The following AGO2 variants were observed in gnomAD, a reference collection of about 807,000 sequenced individuals.
The protein encoded by AGO2 is protein argonaute-2.
Under a neutral mutation model 102.3 loss-of-function variants are expected in AGO2, and 5 were observed. The observed-to-expected ratio is 0.05, with a 90% CI of 0.03 to 0.10. AGO2 has a LOEUF of 0.10. Ranked by LOEUF, AGO2 falls within the 10% of genes least tolerant of loss-of-function variation. The pLI is 1.00. For missense variants in AGO2, 541 were observed against 1,183.7 expected, an observed-to-expected ratio of 0.46 and a Z score of 7.97; for synonymous variants, 449 against 473.1, an observed-to-expected ratio of 0.95 and a Z score of 0.66.
chr8:140,554,192 C>T (rs2073054191), intron 10 of AGO2, among the ~76,000 whole-genome samples: 2 of 152,244 alleles, frequency 1.3e-5, no homozygotes, highest in South Asian at 4.1e-4. Context: ...TCCTCTTGCC[C>T]TCCCGGGGCG....
rs889877202 is a variant in AGO2 at position 140,557,402 on chromosome 8, C to G, written c.879-166G>C. ...GTGCTTTGGGTTATCTGGAATGTTT[C>G]TGAGCCCCTAAATTCTCATTTTGTT... is the stretch of plus-strand genomic sequence containing the variant. On this transcript the variant is annotated intron_variant, in intron 7 of 18. Transcript: ENST00000220592. The surrounding 1 kb of genome is among the most constrained non-coding windows in gnomAD (Gnocchi z 5.9). Among the ~76,000 whole-genome samples the G allele has an allele frequency of 1.3e-5, 2 of 152,192 alleles. No homozygotes were observed. The highest frequency in any genetic ancestry group is 2.1e-4 in the South Asian group (1 of 4,826).
intron 10 of AGO2, among the ~76,000 whole-genome samples, chr8:140,552,079 TGCCTTGCCATGCTACAG>T (rs1038723093): frequency 5.9e-5 from 9 of 152,142 alleles, no homozygotes; most frequent in South Asian, 2.1e-4. Context: ...GGAAGAGAAG[TGCCTTGCCATGCTACAG>T]GCCTTGCCAT....
At chr8:140,638,773 CTG>C (rs1281263275), upstream of AGO2, among the ~76,000 whole-genome samples, 1 of 152,146 alleles carries the variant, frequency 6.6e-6, no homozygotes, top group African/African-American at 2.4e-5. Flanking sequence ...ACAGGTCTCA[CTG>C]TGTTGCTCAG....
chr8:140,550,771 C>T (rs954127508), intron 11 of AGO2, among the ~76,000 whole-genome samples: 2 of 152,132 alleles, frequency 1.3e-5, no homozygotes, highest in South Asian at 2.1e-4. Context: ...TGCACCACCA[C>T]GCTTGGCTAA....
chr8:140,529,755 T>G lies in AGO2; in HGVS notation c.*2289A>C, dbSNP rs2944760. On this transcript the variant is annotated 3_prime_UTR_variant, in exon 19 of 19. Coordinates refer to ENST00000220592, the MANE Select transcript of AGO2 (RefSeq NM_012154.5). ...CGCTTAGACACAGATGCCCTGGCCA[T>G]CCCTGAAGTACCGCACGCAGGAGGT... 0.31 allele frequency: 47,270 copies of G among 151,672 alleles called. 9,296 individuals carry two copies. The highest frequency in any genetic ancestry group is 0.56 in the African/African-American group (22,909 of 41,196). 9.4% of individuals were successfully genotyped at this position (151,672 alleles called of 1,614,324 possible). A position where few individuals can be genotyped will look rare whatever the true frequency, so the allele number is the denominator to read the frequency against.
At position 140,520,229 on chromosome 8, in the gene AGO2, ATAACTT is replaced by A. The variant is rs1187757620; in HGVS notation, c.*11809_*11814del. 2 of 152,234 alleles carry A rather than the reference ATAACTT, an allele frequency of 1.3e-5. No individual in the cohort carries two copies. Among genetic ancestry groups the A allele is most frequent in the African/African-American group, 2.4e-5 (1 of 41,458 alleles). 9.4% of individuals were successfully genotyped at this position (152,234 alleles called of 1,614,324 possible). ...CAAAACAAAATTGACACCATACAAA[ATAACTT>A]TATAAAATATCATTCACATCATATT... On this transcript the variant is annotated 3_prime_UTR_variant, in exon 19 of 19. Transcript: ENST00000220592.
chr8:140,595,504 G>GC (rs1755604952), intron 1 of AGO2, among the ~76,000 whole-genome samples: 1 of 148,762 alleles, frequency 6.7e-6, no homozygotes, highest in South Asian at 2.1e-4. Context: ...TCACTCTGTT[G>GC]CCGAAGCTGA....
At position 140,560,401 on chromosome 8, in the gene AGO2, G is replaced by A; in HGVS notation, c.628C>T (p.Leu210Phe). The change falls in exon 5 of 19, where the codon CTC becomes TTC. Residue 210 changes from leucine (L) to phenylalanine (F), a missense_variant. Leu to Phe is a conservative substitution (Grantham distance 22, BLOSUM62 0). Coordinates refer to ENST00000220592, the MANE Select transcript of AGO2 (RefSeq NM_012154.5). ...TCAATATTCAGCATCATTTTCCAGA[G>A]AGAAGGCCGGACGGACTGATGGAAG... ...FGFHQSVRPS[L>F]WKMMLNIDVS... The A allele has an allele frequency of 6.2e-7, 1 of 1,614,218 alleles. No individual in the cohort carries two copies. The highest frequency in any genetic ancestry group is 1.1e-5 in the South Asian group (1 of 91,084).
intron 6 of AGO2, 33 bp from the exon 7 acceptor site, chr8:140,558,605 G>A (rs1406279771): frequency 6.2e-7 from 1 of 1,608,434 alleles, no homozygotes; most frequent in Admixed American, 1.7e-5. Context: ...TCGGCATCGG[G>A]GCTGTCCCGA....
At chr8:140,570,366 T>C (rs972477498) in intron 3 of AGO2, among the ~76,000 whole-genome samples, 1 of 151,912 alleles carries the variant, frequency 6.6e-6, no homozygotes, top group Non-Finnish European at 1.5e-5. Context: ...GCTGTGACTA[T>C]AGGCGTGTGC....
intron 1 of AGO2, among the ~76,000 whole-genome samples, chr8:140,605,478 C>T (rs1455129301): frequency 6.6e-6 from 1 of 152,248 alleles, no homozygotes; most frequent in Non-Finnish European, 1.5e-5. Context: ...CCAGCCTGGG[C>T]TGAACACAGA....
At chr8:140,562,242 G>C (rs946359404) in intron 4 of AGO2, among the ~76,000 whole-genome samples, 5 of 152,222 alleles carry the variant, frequency 3.3e-5, no homozygotes, top group African/African-American at 1.2e-4. Flanking sequence ...CAACGTTCCG[G>C]GCCAGGCCGA....
intron 3 of AGO2, among the ~76,000 whole-genome samples, chr8:140,570,077 C>A (rs545275295): frequency 7.2e-5 from 11 of 152,380 alleles, no homozygotes; most frequent in African/African-American, 2.6e-4. Flanking sequence ...GGCTCTCACA[C>A]AGAAGGTTAA....
Position 140,603,709 on chromosome 8 carries a change from G to T in AGO2, c.23-18398C>A, listed in dbSNP as rs143694471. On this transcript the variant is annotated intron_variant, in intron 1 of 18. Transcript: ENST00000220592. ...CTGCAGCTGTGTCTGAGCTCCACTG[G>T]GGCCGGATTTAACAGACTCCCTCAA... Among the ~76,000 whole-genome samples the T allele has an allele frequency of 3.3e-3, 503 of 152,308 alleles. 4 individuals are homozygous for T. The highest frequency in any genetic ancestry group is 0.012 in the African/African-American group (489 of 41,564).
chr8:140,560,928 C>T lies in AGO2; in HGVS notation c.519-418G>A, dbSNP rs538484830. Among the ~76,000 whole-genome samples, 7 of 152,356 alleles carry T rather than the reference C, an allele frequency of 4.6e-5. No homozygotes were observed. The South Asian group carries it at 1.4e-3, about 32-fold the overall frequency. On this transcript the variant is annotated intron_variant, in intron 4 of 18. Transcript: ENST00000220592. The stretch of plus-strand genomic sequence containing the variant: ...CTGCCAAGTGCCAGCCCCAGCCAGG[C>T]CCAGCCCCAGCCGTGGGGAGACGTG...
chr8:140,571,252 C>T (rs1283312888), intron 3 of AGO2, among the ~76,000 whole-genome samples: 3 of 152,196 alleles, frequency 2.0e-5, no homozygotes, highest in African/African-American at 4.8e-5. Context: ...AGTCACAGCA[C>T]GTTCTCCCTT....
rs1289998702 is a variant in AGO2, at chr8:140,523,170, A to G, written c.*8874T>C. 1.3e-5 allele frequency: 2 copies of G among 152,210 alleles called. No individual in the cohort carries two copies. The highest frequency in any genetic ancestry group is 4.8e-5 in the African/African-American group (2 of 41,438). 9.4% of individuals were successfully genotyped at this position (152,210 alleles called of 1,614,324 possible). On this transcript the variant is annotated 3_prime_UTR_variant, in exon 19 of 19. Coordinates refer to ENST00000220592, the MANE Select transcript of AGO2 (RefSeq NM_012154.5). ...GCACAAGACATGGTCACATGGTTCC[A>G]CTGTACAGGTAGAAACAAGCCCACA...
At chr8:140,555,228 G>T (rs1420852130) in intron 10 of AGO2, among the ~76,000 whole-genome samples, 1 of 152,140 alleles carries the variant, frequency 6.6e-6, no homozygotes, top group African/African-American at 2.4e-5. Context: ...ATCAGACATG[G>T]TATGCTTGCA....
In AGO2 at chr8:140,523,139, T is replaced by C. The variant is rs555140852; in HGVS notation, c.*8905A>G. 15 of 152,322 alleles carry C rather than the reference T, an allele frequency of 9.8e-5. 1 individual carries two copies. Among genetic ancestry groups the C allele is most frequent in the Admixed American group, 2.6e-4 (4 of 15,298 alleles). The allele number at this position is 152,322 out of a possible 1,614,324, so 9.4% of individuals were successfully genotyped here. A position where few individuals can be genotyped will look rare whatever the true frequency, so the allele number is the denominator to read the frequency against. ...AAAACAGCACTGCATGGTTTCTATA[T>C]TGCAAGCACAAGACATGGTCACATG... On this transcript the variant is annotated 3_prime_UTR_variant, in exon 19 of 19. Transcript: ENST00000220592.
Sources: gnomAD v4.1 joint callset for allele counts (sites outside exome capture counted in the v4.1 genomes callset) on GRCh38, gnomAD v4.1.1 for gene constraint, Gnocchi (gnomAD v3.1) non-coding constraint, MANE v1.5 for transcripts, NCBI Gene and HGNC (gene_info 2026-07-23, HGNC 2026-07-21) for gene names.